The following SLC25A48 variants were observed in gnomAD, a reference collection of about 807,000 sequenced individuals.
SLC25A48 encodes solute carrier family 25 member 48, also known as CTC-321K16.1.
In SLC25A48, 29 loss-of-function variants were observed where a neutral mutation model predicts 32.2. That is an observed-to-expected ratio of 0.90 (90% CI 0.67 to 1.23). The LOEUF is 1.23. SLC25A48 is among the 50% of genes most tolerant of loss of function. SLC25A48 has a pLI of 0.00. For synonymous variants in SLC25A48, 164 were observed against 172.3 expected (o/e 0.95, Z 0.38); for missense variants, 399 against 422.7 (o/e 0.94, Z 0.49).
intron 3 of SLC25A48, among the ~76,000 whole-genome samples, chr5:135,705,804 G>A (rs1561456487): frequency 1.3e-5 from 2 of 152,186 alleles, no homozygotes; most frequent in Non-Finnish European, 2.9e-5. Flanking sequence ...CCAGGAGATG[G>A]AACTAAGCCT....
chr5:135,622,749 A>G (rs1466603208), intron 1 of SLC25A48, among the ~76,000 whole-genome samples: 1 of 152,256 alleles, frequency 6.6e-6, no homozygotes, highest in African/African-American at 2.4e-5. Flanking sequence ...TGCGATGTAC[A>G]TGTATTACAT....
chr5:135,873,909 C>G (rs778711832), intron 5 of SLC25A48, 112 bp from the exon 6 acceptor site: 6 of 1,227,336 alleles, frequency 4.9e-6, no homozygotes, highest in Non-Finnish European at 6.5e-6. Context: ...AGCCTGAGCT[C>G]TGTCCCTTCT....
At chr5:135,670,362 A>G (rs1753625879) in intron 3 of SLC25A48, among the ~76,000 whole-genome samples, 1 of 152,120 alleles carries the variant, frequency 6.6e-6, no homozygotes, top group Non-Finnish European at 1.5e-5. Flanking sequence ...TTCAGTTTTT[A>G]AATAGAGCTG....
At chr5:135,707,652 A>G (rs993032253) in intron 3 of SLC25A48, among the ~76,000 whole-genome samples, 4 of 152,180 alleles carry the variant, frequency 2.6e-5, no homozygotes, top group African/African-American at 4.8e-5. Context: ...CCTTGCTCCA[A>G]CATCACTCTT....
In SLC25A48 at chr5:135,681,786, G is replaced by T. The variant is rs140473722; in HGVS notation, c.-521+46830G>T. Among the ~76,000 whole-genome samples, 32 of 152,286 alleles carry T rather than the reference G, an allele frequency of 2.1e-4. 2 individuals carry two copies. In the East Asian group the frequency reaches 5.8e-3, roughly 28 times the overall value. ...TTATTCAAGGCCAGAACAGCCTCTA[G>T]TCTAAGACTAGTTTTTTTTCGTTAA... On this transcript the variant is annotated intron_variant, in intron 3 of 10. Coordinates refer to the SLC25A48 transcript ENST00000646290.
At chr5:135,696,830 A>G (rs7701268) in intron 3 of SLC25A48, among the ~76,000 whole-genome samples, 89,246 of 152,004 alleles carry the variant, frequency 0.59, 26,409 homozygotes, top group South Asian at 0.63. Flanking sequence ...GCCAATCACT[A>G]TGCCCAGTGC....
chr5:135,879,605 A>AGTGTGT (rs745668429), intron 6 of SLC25A48, among the ~76,000 whole-genome samples: 1,786 of 135,044 alleles, frequency 0.013, 25 homozygotes, highest in South Asian at 0.049. Flanking sequence ...AGAGAGAGAG[A>AGTGTGT]GAGAGAGTGT....
intron 3 of SLC25A48, among the ~76,000 whole-genome samples, chr5:135,804,580 G>C (rs1473979431): frequency 6.6e-6 from 1 of 151,516 alleles, no homozygotes; most frequent in Admixed American, 6.6e-5. Flanking sequence ...ATCACAGTGG[G>C]TGTAGAGATA....
At chr5:135,782,371 C>G (rs1446987265) in intron 3 of SLC25A48, among the ~76,000 whole-genome samples, 1 of 116,160 alleles carries the variant, frequency 8.6e-6, no homozygotes, top group African/African-American at 2.6e-5. Flanking sequence ...GTTCCTAATA[C>G]CCAGGATGTG....
chr5:135,761,919 G>A (rs73789140), intron 3 of SLC25A48, among the ~76,000 whole-genome samples: 6,511 of 152,254 alleles, frequency 0.043, 281 homozygotes, highest in African/African-American at 0.11. Context: ...CCTGGAACCT[G>A]CCCAGATTGT....
chr5:135,760,176 T>C (rs747072088), intron 3 of SLC25A48, among the ~76,000 whole-genome samples: 8 of 152,200 alleles, frequency 5.3e-5, no homozygotes, highest in Non-Finnish European at 1.0e-4. Context: ...TACGGACCTC[T>C]TGTTATACAC....
chr5:135,591,700 G>C (rs1290898584), intron 1 of SLC25A48, among the ~76,000 whole-genome samples: 2 of 152,200 alleles, frequency 1.3e-5, no homozygotes, highest in African/African-American at 2.4e-5. Context: ...AGTGGGAGCT[G>C]GTGAGTGACT....
At chr5:135,750,275 AT>A (rs1755738117) in intron 3 of SLC25A48, among the ~76,000 whole-genome samples, 1 of 152,080 alleles carries the variant, frequency 6.6e-6, no homozygotes, top group Non-Finnish European at 1.5e-5. Context: ...AGTCACCCCA[AT>A]ATGTAATGGT....
Position 135,882,919 on chromosome 5 carries a change from G to A in SLC25A48, c.*7+2822G>A, listed in dbSNP as rs73287283. 389 of 317,984 alleles carry A rather than the reference G, an allele frequency of 1.2e-3. 1 individual carries two copies. Among genetic ancestry groups the A allele is most frequent in the African/African-American group, 8.3e-3 (370 of 44,470 alleles). The allele number at this position is 317,984 out of a possible 1,614,324, so 19.7% of individuals were successfully genotyped here. On this transcript the variant is annotated intron_variant, in intron 7 of 7. Coordinates refer to ENST00000681962, the MANE Select transcript of SLC25A48 (RefSeq NM_001349336.2). ...TGCTGAACATTTTCAAATAGCCCCG[G>A]CAACCCTGAGAGCCTCTGCCAGTCT...
chr5:135,810,253 T>C (rs987480711), intron 3 of SLC25A48, among the ~76,000 whole-genome samples: 1 of 152,222 alleles, frequency 6.6e-6, no homozygotes, highest in African/African-American at 2.4e-5. Flanking sequence ...TTAGTTTTCC[T>C]CCCATGGGGC....
intron 1 of SLC25A48, among the ~76,000 whole-genome samples, chr5:135,610,826 C>T (rs1358849149): frequency 6.6e-6 from 1 of 152,222 alleles, no homozygotes; most frequent in African/African-American, 2.4e-5. Flanking sequence ...AGACTTTAAT[C>T]TTACTCATAT....
intron 3 of SLC25A48, among the ~76,000 whole-genome samples, chr5:135,790,764 TA>T (rs1401989935): frequency 6.6e-6 from 1 of 151,306 alleles, no homozygotes; most frequent in African/African-American, 2.4e-5. Context: ...GAAAATGCTG[TA>T]CACCATGTAT....
At chr5:135,877,866 G>T (rs1228760825) in intron 6 of SLC25A48, among the ~76,000 whole-genome samples, 2 of 152,190 alleles carry the variant, frequency 1.3e-5, no homozygotes, top group African/African-American at 4.8e-5. Flanking sequence ...GGCCTGGGAA[G>T]CACTCCAGGC....
intron 3 of SLC25A48, among the ~76,000 whole-genome samples, chr5:135,724,451 A>G (rs897966828): frequency 6.6e-6 from 1 of 152,188 alleles, no homozygotes; most frequent in African/African-American, 2.4e-5. Context: ...CCTGCAGGGT[A>G]GAGTTTGGTC....
Sources: gnomAD v4.1 joint callset for allele counts (sites outside exome capture counted in the v4.1 genomes callset) on GRCh38, gnomAD v4.1.1 for gene constraint, MANE v1.5 for transcripts, NCBI Gene and HGNC (gene_info 2026-07-23, HGNC 2026-07-21) for gene names.